DLK1: variants seen among roughly 807,000 people sequenced by gnomAD.
The protein encoded by DLK1 is delta like non-canonical Notch ligand 1.
In DLK1, 9 loss-of-function variants were observed where a neutral mutation model predicts 35.2. The observed-to-expected ratio is 0.26, with a 90% CI of 0.15 to 0.45. The LOEUF (loss-of-function observed/expected upper bound fraction) is 0.45. Among genes scored for constraint, DLK1 ranks in the 20% least tolerant of loss-of-function variants. The pLI is 1.00. For missense variants in DLK1, 522 were observed against 528.5 expected (o/e 0.99, Z 0.12); for synonymous variants, 231 against 228.4 (o/e 1.01, Z -0.10).
chr14:100,734,274 A>G lies in DLK1; in HGVS notation c.530A>G (p.Asn177Ser). 1 of 1,613,264 alleles carries G rather than the reference A, an allele frequency of 6.2e-7. No individual in the cohort carries two copies. Among genetic ancestry groups the G allele is most frequent in the Non-Finnish European group, 8.5e-7 (1 of 1,179,954 alleles). Reference protein sequence around the residue: ...CEIVANSCTPNPCENDGVCTD... With the variant: ...CEIVANSCTPSPCENDGVCTD... ...ATCGTGGCCAACAGCTGCACCCCCA[A>G]CCCATGCGAGAACGACGGCGTCTGC... Residue 177 changes from asparagine (N) to serine (S), a missense_variant, in exon 5 of 5, where the codon AAC becomes AGC. Physicochemically the swap from Asn to Ser is conservative, Grantham distance 46. Coordinates refer to ENST00000341267, the MANE Select transcript of DLK1 (RefSeq NM_003836.7). This position sits in a 1 kb window ranked among gnomAD's most constrained non-coding sequence, Gnocchi z 7.4.
chr14:100,728,911 C>T (rs2036473329), intron 2 of DLK1, 25 bp from the exon 3 acceptor site: 2 of 1,611,900 alleles, frequency 1.2e-6, no homozygotes, highest in South Asian at 1.1e-5. Context: ...CATATGTCCC[C>T]ACCTTTCTCC....
intron 3 of DLK1, among the ~76,000 whole-genome samples, chr14:100,729,988 C>A (rs970220853): frequency 3.9e-5 from 6 of 152,192 alleles, no homozygotes; most frequent in African/African-American, 1.4e-4. Flanking sequence ...TCCCCCAGCC[C>A]CAGAAAGAGA....
rs777787958 is a variant in DLK1, at chr14:100,732,233, C to G, written c.404+50C>G. On this transcript the variant is annotated intron_variant, in intron 4 of 4. Coordinates refer to ENST00000341267, the MANE Select transcript of DLK1 (RefSeq NM_003836.7). ...CTAATGAATGCTGCTTTTCATGCGG[C>G]CACCAAAGACCCTTTCAGCCTAACC... The G allele has an allele frequency of 4.4e-6, 7 of 1,583,816 alleles. No homozygotes were observed. The African/African-American group carries it at 6.7e-5, about 15-fold the overall frequency.
chr14:100,727,228 G>A (rs1012185319), intron 1 of DLK1, 93 bp downstream of exon 1: 38 of 1,301,136 alleles, frequency 2.9e-5, no homozygotes, highest in Non-Finnish European at 3.8e-5. Context: ...CGTCTCGTGA[G>A]CCCCAACTCC....
At chr14:100,732,006 G>A in intron 3 of DLK1, 36 bp from the exon 4 acceptor site, 1 of 1,592,334 alleles carries the variant, frequency 6.3e-7, no homozygotes, top group Non-Finnish European at 8.6e-7. Context: ...TGTATGGAGA[G>A]GAAGCTAAGT....
chr14:100,727,791 T>A (rs2036454104), intron 1 of DLK1, among the ~76,000 whole-genome samples: 1 of 152,118 alleles, frequency 6.6e-6, no homozygotes, highest in South Asian at 2.1e-4. Flanking sequence ...CTAAGCAGTG[T>A]TGTTGCAACC....
rs1490868413 is a variant in DLK1, at chr14:100,735,374, C to T, written c.*478C>T. The T allele has an allele frequency of 6.5e-6, 1 of 153,488 alleles. No individual in the cohort carries two copies. The allele number at this position is 153,488 out of a possible 1,614,324, so 9.5% of individuals were successfully genotyped here. ...CGACTCGCACTCACATCCAGCTCAA[C>T]ATCGCTACCTTTAGATCTTTCCGAT... On this transcript the variant is annotated 3_prime_UTR_variant, in exon 5 of 5. Transcript: ENST00000341267.
At chr14:100,728,842 C>G in intron 2 of DLK1, 94 bp from the exon 3 acceptor site, 2 of 1,519,304 alleles carry the variant, frequency 1.3e-6, no homozygotes, top group Non-Finnish European at 1.8e-6. Flanking sequence ...GCAAAGACCC[C>G]CAAGGGTCCT....
intron 3 of DLK1, among the ~76,000 whole-genome samples, chr14:100,730,653 G>A (rs1443817227): frequency 6.6e-6 from 1 of 152,214 alleles, no homozygotes; most frequent in Non-Finnish European, 1.5e-5. Context: ...GGACAAGCTG[G>A]GGGTGGTCGC....
rs1018504740 is a variant in DLK1, at chr14:100,735,184, A to G, written c.*288A>G. On this transcript the variant is annotated 3_prime_UTR_variant, in exon 5 of 5. Coordinates refer to ENST00000341267, the MANE Select transcript of DLK1 (RefSeq NM_003836.7). ...AAACTCAAATGAAATTTCAAAAAAG[A>G]CCAAAAAAAAACAAGGCAACAGAAC... 3.3e-6 allele frequency: 1 copy of G among 304,286 alleles called. No individual in the cohort carries two copies. The highest frequency in any genetic ancestry group is 2.2e-5 in the African/African-American group (1 of 45,900). The allele number at this position is 304,286 out of a possible 1,614,324, so 18.8% of individuals were successfully genotyped here. A position where few individuals can be genotyped will look rare whatever the true frequency, so the allele number is the denominator to read the frequency against.
In DLK1 at chr14:100,727,012, C is replaced by G; in HGVS notation, c.-57C>G. ...CGCAACCAGAAGCCCAGTGCGGCGC[C>G]AGGAGCCGGACCCGCGCCCGCACCG... On this transcript the variant is annotated 5_prime_UTR_variant, in exon 1 of 5. Transcript: ENST00000341267. The G allele has an allele frequency of 3.4e-6, 5 of 1,487,472 alleles. No individual in the cohort carries two copies. The highest frequency in any genetic ancestry group is 2.7e-5 in the East Asian group (1 of 37,526). 92.1% of individuals were successfully genotyped at this position (1,487,472 alleles called of 1,614,324 possible).
At chr14:100,733,228 G>T (rs1427134361) in intron 4 of DLK1, among the ~76,000 whole-genome samples, 1 of 152,172 alleles carries the variant, frequency 6.6e-6, no homozygotes, top group Non-Finnish European at 1.5e-5. Flanking sequence ...TGTCAAAATA[G>T]AGCCTAAGGC....
At chr14:100,732,333 G>A in intron 4 of DLK1, 150 bp downstream of exon 4, 2 of 1,219,946 alleles carry the variant, frequency 1.6e-6, no homozygotes, top group Non-Finnish European at 2.2e-6. Context: ...CGCCCTGGAT[G>A]GGAGTATTCA....
At position 100,734,952 on chromosome 14, in the gene DLK1, G is replaced by A. The variant is rs1229202324; in HGVS notation, c.*56G>A. ...TGGAGTTCCGCAGAGCTTACTATAC[G>A]CGGTCTGTCCTAATCTTTGTGGTGT... On this transcript the variant is annotated 3_prime_UTR_variant, in exon 5 of 5. Transcript: ENST00000341267. The surrounding 1 kb of genome is among the most constrained non-coding windows in gnomAD (Gnocchi z 7.4). 13 of 1,519,342 alleles carry A rather than the reference G, an allele frequency of 8.6e-6. No individual in the cohort carries two copies. The highest frequency in any genetic ancestry group is 1.8e-4 in the Middle Eastern group (1 of 5,682). 94.1% of individuals were successfully genotyped at this position (1,519,342 alleles called of 1,614,324 possible).
chr14:100,731,956 A>G (rs1181053225), intron 3 of DLK1, 86 bp from the exon 4 acceptor site: 19 of 1,489,300 alleles, frequency 1.3e-5, no homozygotes, highest in Non-Finnish European at 1.7e-5. Flanking sequence ...CGGTGGCCAT[A>G]GAGCCATTTT....
Position 100,734,053 on chromosome 14 carries a change from G to T in DLK1, c.405-96G>T. On this transcript the variant is annotated intron_variant, in intron 4 of 4. Transcript: ENST00000341267. The surrounding 1 kb of genome is among the most constrained non-coding windows in gnomAD (Gnocchi z 7.4). ...ATGTGTTTTAAGCACCTGCCCCTTA[G>T]TCAGGCCAGGGACCTTCTGCCCTGA... 1 of 1,437,864 alleles carries T rather than the reference G, an allele frequency of 7.0e-7. No homozygotes were observed. The highest frequency in any genetic ancestry group is 9.2e-7 in the Non-Finnish European group (1 of 1,082,794). 89.1% of individuals were successfully genotyped at this position (1,437,864 alleles called of 1,614,324 possible).
At position 100,734,712 on chromosome 14, in the gene DLK1, G is replaced by A; in HGVS notation, c.968G>A (p.Gly323Asp). 6.2e-7 allele frequency: 1 copy of A among 1,614,106 alleles called. No homozygotes were observed. Among genetic ancestry groups the A allele is most frequent in the Non-Finnish European group, 8.5e-7 (1 of 1,180,042 alleles). ...AGCCTGGTGGTGCTGGGCACTGTGG[G>A]TATCGTCTTCCTCAACAAGTGCGAG... ...LTSLVVLGTV[G>D]IVFLNKCETW... The change falls in exon 5 of 5, where the codon GGT (glycine) becomes GAT (aspartate). Residue 323 changes from glycine to aspartate, a missense_variant. Coordinates refer to ENST00000341267, the MANE Select transcript of DLK1 (RefSeq NM_003836.7). This position sits in a 1 kb window ranked among gnomAD's most constrained non-coding sequence, Gnocchi z 7.4.
chr14:100,729,245 G>A (rs2036479099), intron 3 of DLK1, 179 bp downstream of exon 3: 2 of 1,098,536 alleles, frequency 1.8e-6, no homozygotes, highest in Non-Finnish European at 1.3e-6. Flanking sequence ...TGCCTCCTCA[G>A]AGGTAGGGAC....
Position 100,734,961 on chromosome 14 carries a change from C to T in DLK1, c.*65C>T. On this transcript the variant is annotated 3_prime_UTR_variant, in exon 5 of 5. Coordinates refer to ENST00000341267, the MANE Select transcript of DLK1 (RefSeq NM_003836.7). The surrounding 1 kb of genome is among the most constrained non-coding windows in gnomAD (Gnocchi z 7.4). Reference sequence around the variant, plus strand: ...GCAGAGCTTACTATACGCGGTCTGTCCTAATCTTTGTGGTGTTCGCTATCT... The same window carrying T: ...GCAGAGCTTACTATACGCGGTCTGTTCTAATCTTTGTGGTGTTCGCTATCT... 3 of 1,502,304 alleles carry T rather than the reference C, an allele frequency of 2.0e-6. No homozygotes were observed. The highest frequency in any genetic ancestry group is 2.6e-6 in the Non-Finnish European group (3 of 1,132,342). The allele number at this position is 1,502,304 out of a possible 1,614,324, so 93.1% of individuals were successfully genotyped here.
Sources: gnomAD v4.1 joint callset for allele counts (sites outside exome capture counted in the v4.1 genomes callset) on GRCh38, gnomAD v4.1.1 for gene constraint, Gnocchi (gnomAD v3.1) non-coding constraint, MANE v1.5 for transcripts, NCBI Gene and HGNC (gene_info 2026-07-23, HGNC 2026-07-21) for gene names.